Variants in CHUK observed in about 807,000 individuals in gnomAD.
The protein encoded by CHUK is component of inhibitor of nuclear factor kappa B kinase complex.
CHUK carries 35 observed loss-of-function variants against 104.8 expected under a neutral mutation model. That is an observed-to-expected ratio of 0.33 (90% CI 0.26 to 0.44). The LOEUF is 0.44. CHUK is among the 20% of genes least tolerant of loss of function. The pLI is 1.00. For synonymous variants in CHUK, 276 were observed against 291.9 expected, an observed-to-expected ratio of 0.95 and a Z score of 0.56; for missense variants, 663 against 902.7, an observed-to-expected ratio of 0.73 and a Z score of 3.40.
At position 100,226,989 on chromosome 10, in the gene CHUK, A is replaced by G. The variant is rs7919551; in HGVS notation, c.106-972T>C. Among the ~76,000 whole-genome samples, 394 of 152,310 alleles carry G rather than the reference A, an allele frequency of 2.6e-3. 1 individual carries two copies. Among genetic ancestry groups the G allele is most frequent in the African/African-American group, 9.2e-3 (382 of 41,564 alleles). On this transcript the variant is annotated intron_variant, in intron 1 of 20. Transcript: ENST00000370397. The stretch of plus-strand genomic sequence containing the variant: ...ATAGACTGCATGCTAGCCTACCCAC[A>G]GTTCTCACTCCCTTCAATCTTCCTT...
chr10:100,225,723 T>C (rs1025108506), intron 2 of CHUK, among the ~76,000 whole-genome samples, 200 bp downstream of exon 2: 7 of 152,226 alleles, frequency 4.6e-5, no homozygotes, highest in Non-Finnish European at 1.5e-5. Flanking sequence ...CAACAGTGTG[T>C]AAGTGTCCTA....
At chr10:100,202,620 G>A (rs1845496428) in intron 13 of CHUK, among the ~76,000 whole-genome samples, 2 of 152,206 alleles carry the variant, frequency 1.3e-5, no homozygotes, top group Admixed American at 6.5e-5. Flanking sequence ...CCAGGGCTGT[G>A]AGACAGTAAG....
intron 10 of CHUK, among the ~76,000 whole-genome samples, chr10:100,209,316 G>T (rs139189674): frequency 6.6e-6 from 1 of 152,080 alleles, no homozygotes; most frequent in East Asian, 1.9e-4. Flanking sequence ...TCTGCATCTC[G>T]TTATTGGGCC....
At chr10:100,192,363 C>T (rs1158681344) in intron 19 of CHUK, 1 of 152,238 alleles carries the variant, frequency 6.6e-6, no homozygotes, top group African/African-American at 2.4e-5. Context: ...TAATTATAGC[C>T]TGTGCTACAG....
In CHUK at chr10:100,209,537, G is replaced by A. The variant is rs1845672289; in HGVS notation, c.1128+58C>T. 4 of 1,077,610 alleles carry A rather than the reference G, an allele frequency of 3.7e-6. No individual in the cohort carries two copies. In the South Asian group the frequency reaches 3.8e-5, roughly 10 times the overall value. 66.8% of individuals were successfully genotyped at this position (1,077,610 alleles called of 1,614,324 possible). On this transcript the variant is annotated intron_variant, in intron 10 of 20. Coordinates refer to ENST00000370397, the MANE Select transcript of CHUK (RefSeq NM_001278.5). ...TTCCAAGTATGCATAAAAATTGCAG[G>A]GCACGCAATCCCTCTAGATTTCACA...
In CHUK at chr10:100,215,634, T is replaced by C. The variant is rs550773872; in HGVS notation, c.933+2361A>G. ...ATCTAAAGATGTTCATAATAAACAG[T>C]TGGAAAATATGCATACAATCAGACT... On this transcript the variant is annotated intron_variant, in intron 9 of 20. Transcript: ENST00000370397. Among the ~76,000 whole-genome samples the C allele has an allele frequency of 1.3e-4, 20 of 152,362 alleles. No homozygotes were observed. In the South Asian group the frequency reaches 2.7e-3, roughly 21 times the overall value.
chr10:100,187,066 T>C (rs907037725), downstream of CHUK: 8 of 152,358 alleles, frequency 5.3e-5, no homozygotes, highest in African/African-American at 1.9e-4. Context: ...AAGGCGATAA[T>C]GCTCACTCGC....
At chr10:100,219,674 G>A (rs1320574661) in intron 5 of CHUK, among the ~76,000 whole-genome samples, 3 of 151,962 alleles carry the variant, frequency 2.0e-5, no homozygotes, top group Non-Finnish European at 4.4e-5. Flanking sequence ...AATACAGGTG[G>A]GCTATTAATT....
chr10:100,218,983 G>A (rs764248776), intron 7 of CHUK, 25 bp downstream of exon 7: 30 of 1,613,554 alleles, frequency 1.9e-5, no homozygotes, highest in Admixed American at 1.3e-4. Flanking sequence ...CATTAAGCAT[G>A]CCCAAGTTCT....
At chr10:100,199,758 A>G (rs1356013930) in intron 16 of CHUK, among the ~76,000 whole-genome samples, 2 of 151,810 alleles carry the variant, frequency 1.3e-5, no homozygotes, top group African/African-American at 2.4e-5. Flanking sequence ...AAATTTTTCT[A>G]CCTCACGTTC....
chr10:100,201,363 A>C (rs954560744), intron 14 of CHUK, among the ~76,000 whole-genome samples: 5 of 152,178 alleles, frequency 3.3e-5, no homozygotes, highest in African/African-American at 1.2e-4. Context: ...TTATTGTCCA[A>C]ACCGGCATAA....
chr10:100,196,707 T>C (rs1179312063), intron 16 of CHUK, among the ~76,000 whole-genome samples: 1 of 152,188 alleles, frequency 6.6e-6, no homozygotes, highest in Non-Finnish European at 1.5e-5. Flanking sequence ...GGATTCTTAA[T>C]GAATGTTTTG....
intron 3 of CHUK, 26 bp downstream of exon 3, chr10:100,222,840 C>T (rs1846020881): frequency 1.9e-6 from 2 of 1,060,270 alleles, no homozygotes; most frequent in African/African-American, 1.6e-5. Context: ...GATTTACTCT[C>T]TCTCATCTCA....
At chr10:100,196,519 C>G (rs2134210205) in intron 16 of CHUK, among the ~76,000 whole-genome samples, 1 of 151,950 alleles carries the variant, frequency 6.6e-6, no homozygotes, top group Middle Eastern at 3.4e-3. Context: ...TCCTGAGTAG[C>G]TGGGACTACA....
chr10:100,218,609 T>C (rs985970472), intron 8 of CHUK, 109 bp downstream of exon 8: 5 of 773,078 alleles, frequency 6.5e-6, no homozygotes, highest in South Asian at 5.8e-5. Context: ...TTCTACATCA[T>C]CACAGAAAGT....
chr10:100,190,125 G>C (rs1845162871), intron 20 of CHUK: 1 of 153,348 alleles, frequency 6.5e-6, no homozygotes. Flanking sequence ...GAACTCAAGC[G>C]ATCTTCCTGC....
intron 11 of CHUK, among the ~76,000 whole-genome samples, chr10:100,206,372 G>A (rs945423012): frequency 2.0e-5 from 3 of 151,742 alleles, no homozygotes; most frequent in Admixed American, 6.6e-5. Flanking sequence ...CCGCCTCCCA[G>A]GTAAAATGTT....
chr10:100,202,512 G>C (rs997530810), intron 13 of CHUK, among the ~76,000 whole-genome samples: 2 of 152,188 alleles, frequency 1.3e-5, no homozygotes, highest in African/African-American at 4.8e-5. Flanking sequence ...ATGGCTAGCA[G>C]ACCATAAGAA....
chr10:100,218,176 A>C (rs768087896), intron 8 of CHUK, 46 bp from the exon 9 acceptor site: 1 of 1,543,990 alleles, frequency 6.5e-7, no homozygotes, highest in Non-Finnish European at 9.0e-7. Context: ...ATTATGTTCC[A>C]ATTTCCCTTT....
Sources: allele counts gnomAD v4.1 joint callset (sites outside exome capture counted in the v4.1 genomes callset), GRCh38; gene constraint gnomAD v4.1.1; transcripts MANE v1.5; gene names NCBI Gene and HGNC (gene_info 2026-07-23, HGNC 2026-07-21).